Variants in ESR1 observed in about 807,000 individuals in gnomAD.
ESR1 encodes estrogen receptor 1.
In ESR1, 12 loss-of-function variants were observed where a neutral mutation model predicts 52.7. That is an observed-to-expected ratio of 0.23 (90% CI 0.15 to 0.37). The LOEUF (loss-of-function observed/expected upper bound fraction) is 0.37, where lower values mean the gene tolerates loss of function less well. ESR1 is among the 10% of genes least tolerant of loss of function. The probability of loss-of-function intolerance (pLI) is 1.00; values close to 1 mark genes in which losing one functional copy is unlikely to be tolerated. For missense variants in ESR1, 584 were observed against 779.7 expected, an observed-to-expected ratio of 0.75 and a Z score of 2.99; for synonymous variants, 305 against 316.8, an observed-to-expected ratio of 0.96 and a Z score of 0.39.
Position 151,807,952 on chromosome 6 carries a change from C to T in ESR1, c.40C>T (p.Leu14=), listed in dbSNP as rs2128155315. Residue 14 remains leucine (L), a synonymous_variant, in exon 1 of 8, where the codon CTA becomes TTA. Transcript: ENST00000206249. The stretch of plus-strand genomic sequence containing the variant: ...CCACACCAAAGCATCTGGGATGGCC[C>T]TACTGCATCAGATCCAAGGGAACGA... The part of the protein sequence containing the change: ...TLHTKASGMA[L]LHQIQGNELE... The T allele has an allele frequency of 6.2e-7, 1 of 1,613,924 alleles. No homozygotes were observed. Among genetic ancestry groups the T allele is most frequent in the Non-Finnish European group, 8.5e-7 (1 of 1,179,968 alleles).
At chr6:152,007,676 T>C (rs2042435368) in intron 4 of ESR1, among the ~76,000 whole-genome samples, 1 of 152,076 alleles carries the variant, frequency 6.6e-6, no homozygotes, top group African/African-American at 2.4e-5. Flanking sequence ...TCTTACTACT[T>C]TTTCGATATG....
chr6:152,076,398 T>C (rs1454780327), intron 6 of ESR1, among the ~76,000 whole-genome samples: 1 of 152,202 alleles, frequency 6.6e-6, no homozygotes, highest in Admixed American at 6.5e-5. Context: ...ATTAAACCTC[T>C]TTTTCTTCCC....
chr6:151,975,013 G>A (rs993437381), intron 4 of ESR1, among the ~76,000 whole-genome samples: 1 of 152,158 alleles, frequency 6.6e-6, no homozygotes, highest in African/African-American at 2.4e-5. Context: ...ACTTTTCCTA[G>A]ATTACTCAGG....
intron 4 of ESR1, among the ~76,000 whole-genome samples, chr6:152,000,429 G>A (rs1405854763): frequency 6.6e-6 from 1 of 151,982 alleles, no homozygotes; most frequent in African/African-American, 2.4e-5. Context: ...GAGACACTTG[G>A]AACTCTAAGA....
At chr6:151,793,064 G>C (rs1022582692) in intron 2 of ESR1, among the ~76,000 whole-genome samples, 3 of 151,862 alleles carry the variant, frequency 2.0e-5, no homozygotes, top group Non-Finnish European at 4.4e-5. Context: ...CCAGCTACTC[G>C]GGCGGCTGAG....
intron 6 of ESR1, among the ~76,000 whole-genome samples, chr6:152,064,449 C>A (rs1341295056): frequency 1.3e-5 from 2 of 152,194 alleles, no homozygotes; most frequent in Non-Finnish European, 2.9e-5. Context: ...TTGCGACTAC[C>A]CCAGTCCATA....
intron 4 of ESR1, among the ~76,000 whole-genome samples, chr6:151,973,664 A>G (rs1024759676): frequency 1.3e-5 from 2 of 152,150 alleles, no homozygotes; most frequent in African/African-American, 4.8e-5. Context: ...GTCATTGTAG[A>G]AGTTACCATG....
At chr6:152,106,513 C>T (rs544236315), downstream of ESR1, among the ~76,000 whole-genome samples, 7 of 152,194 alleles carry the variant, frequency 4.6e-5, no homozygotes, top group East Asian at 5.8e-4. Context: ...ATTTTTGAAG[C>T]GCGGTTTGTA....
intron 1 of ESR1, among the ~76,000 whole-genome samples, chr6:151,664,044 C>T (rs2115212119): frequency 6.6e-6 from 1 of 152,138 alleles, no homozygotes; most frequent in South Asian, 2.1e-4. Context: ...TTTCCACTGC[C>T]CTTTGTTTTA....
intron 2 of ESR1, among the ~76,000 whole-genome samples, chr6:151,752,887 G>A (rs1301026752): frequency 6.6e-6 from 1 of 152,086 alleles, no homozygotes; most frequent in Non-Finnish European, 1.5e-5. Context: ...GTTCTAATAA[G>A]ACCAATAGGC....
At chr6:151,899,581 C>T (rs1440385925) in intron 3 of ESR1, among the ~76,000 whole-genome samples, 1 of 150,300 alleles carries the variant, frequency 6.7e-6, no homozygotes, top group African/African-American at 2.4e-5. Context: ...GGAGCTGACC[C>T]CCCCACCTCC....
At chr6:151,899,353 ACC>A (rs1264583154) in intron 3 of ESR1, among the ~76,000 whole-genome samples, 2 of 86,140 alleles carry the variant, frequency 2.3e-5, no homozygotes. Flanking sequence ...CGGGGGGCTG[ACC>A]CCCCCACCTC....
chr6:151,877,527 T>C lies in ESR1; in HGVS notation c.644-3128T>C, dbSNP rs191486323. Among the ~76,000 whole-genome samples the C allele has an allele frequency of 7.9e-3, 1,197 of 152,360 alleles. 17 individuals carry two copies. Among genetic ancestry groups the C allele is most frequent in the African/African-American group, 0.027 (1,129 of 41,598 alleles). ...TCTGTTGTACATCTATTTCCATTTTTGTTAAGAGACGAATTCAATTGTAAA... is the reference window on the plus strand; with the variant it reads ...TCTGTTGTACATCTATTTCCATTTTCGTTAAGAGACGAATTCAATTGTAAA... On this transcript the variant is annotated intron_variant, in intron 2 of 7. Coordinates refer to ENST00000206249, the MANE Select transcript of ESR1 (RefSeq NM_000125.4).
chr6:152,075,062 A>G (rs76716756), intron 6 of ESR1, among the ~76,000 whole-genome samples: 2,820 of 152,306 alleles, frequency 0.019, 34 homozygotes, highest in Non-Finnish European at 0.03. Context: ...TCTGGAGATC[A>G]GTGGTTTTTA....
intron 4 of ESR1, among the ~76,000 whole-genome samples, chr6:151,946,216 A>G (rs1165911568): frequency 6.6e-6 from 1 of 151,850 alleles, no homozygotes; most frequent in African/African-American, 2.4e-5. Context: ...TTGAGAGCCA[A>G]CTCTTGGTTG....
chr6:152,000,861 G>T (rs1246294518), intron 4 of ESR1, among the ~76,000 whole-genome samples: 1 of 152,020 alleles, frequency 6.6e-6, no homozygotes, highest in Non-Finnish European at 1.5e-5. Context: ...AAGAGGCTTT[G>T]CAATCTTGAA....
chr6:151,842,069 A>G (rs953461152), intron 1 of ESR1, among the ~76,000 whole-genome samples: 1 of 152,166 alleles, frequency 6.6e-6, no homozygotes, highest in Admixed American at 6.6e-5. Flanking sequence ...AGTATTTTCA[A>G]ATTACATTAT....
intron 2 of ESR1, among the ~76,000 whole-genome samples, chr6:151,752,169 A>T (rs73780859): frequency 0.04 from 6,118 of 152,290 alleles, 380 homozygotes; most frequent in African/African-American, 0.14. Flanking sequence ...AAAAGCAGCC[A>T]TGTCCAATTA....
At chr6:151,860,611 AG>A (rs1296860317) in intron 2 of ESR1, among the ~76,000 whole-genome samples, 1 of 152,234 alleles carries the variant, frequency 6.6e-6, no homozygotes, top group Non-Finnish European at 1.5e-5. Context: ...GCTTTCAAAA[AG>A]GACATCCTGC....
Sources: allele counts gnomAD v4.1 joint callset (sites outside exome capture counted in the v4.1 genomes callset), GRCh38; gene constraint gnomAD v4.1.1; transcripts MANE v1.5; gene names NCBI Gene and HGNC (gene_info 2026-07-23, HGNC 2026-07-21).